Variants in BAX observed in about 807,000 individuals in gnomAD.
BAX encodes BCL2 associated X, apoptosis regulator, also known as apoptosis regulator BAX.
BAX carries 21 observed loss-of-function variants against 26.8 expected under a neutral mutation model. The observed-to-expected ratio is 0.78, with a 90% confidence interval of 0.56 to 1.13. The LOEUF (loss-of-function observed/expected upper bound fraction) is 1.13, where lower values mean the gene tolerates loss of function less well. Ranked by LOEUF, BAX falls within the 50% of genes most tolerant of loss-of-function variation. The pLI is 0.00. For missense variants in BAX, 236 were observed against 254.6 expected, an observed-to-expected ratio of 0.93 and a Z score of 0.50; for synonymous variants, 110 against 101.8, an observed-to-expected ratio of 1.08 and a Z score of -0.49.
At position 48,956,221 on chromosome 19, in the gene BAX, A is replaced by ACC; in HGVS notation, c.258_259insCC (p.Ser87ProfsTer47). 2 of 1,544,112 alleles carry ACC rather than the reference A, an allele frequency of 1.3e-6. No homozygotes were observed. The highest frequency in any genetic ancestry group is 1.7e-6 in the Non-Finnish European group (2 of 1,144,706). On this transcript the variant is annotated frameshift_variant, in exon 4 of 6. Coordinates refer to ENST00000345358, the MANE Select transcript of BAX (RefSeq NM_138761.4). LOFTEE classifies it high-confidence loss of function. The stretch of plus-strand genomic sequence containing the variant: ...AGGATGATTGCCGCCGTGGACACAG[A>ACC]CTCCCCCCGAGAGGTCTTTTTCCGA...
intron 2 of BAX, 28 bp from the exon 3 acceptor site, chr19:48,955,659 C>T (rs372907590): frequency 1.5e-4 from 248 of 1,611,992 alleles, no homozygotes; most frequent in East Asian, 3.3e-4. Flanking sequence ...CGTTCTGATT[C>T]TGCACCCTCA....
rs1159489795 is a variant in BAX at position 48,961,644 on chromosome 19, A to G, written c.*8A>G. ...TGGAAGAAGATGGGCTGAGGCCCCC[A>G]GCTGCCTTGGACTGTGTTTTTCCTC... On this transcript the variant is annotated 3_prime_UTR_variant, in exon 6 of 6. Transcript: ENST00000345358. 1 of 1,577,742 alleles carries G rather than the reference A, an allele frequency of 6.3e-7. No homozygotes were observed. The highest frequency in any genetic ancestry group is 1.1e-5 in the South Asian group (1 of 87,438).
intron 4 of BAX, among the ~76,000 whole-genome samples, chr19:48,959,775 G>C (rs943872256): frequency 6.7e-6 from 1 of 149,570 alleles, no homozygotes; most frequent in South Asian, 2.1e-4. Context: ...GCAATGAGCC[G>C]AGACTGCACT....
intron 3 of BAX, 168 bp from the exon 4 acceptor site, chr19:48,956,030 C>T (rs933111904): frequency 4.6e-5 from 53 of 1,164,156 alleles, no homozygotes; most frequent in Non-Finnish European, 5.6e-5. Flanking sequence ...TCCCACCTTC[C>T]TAAATGTCTG....
intron 3 of BAX, 138 bp from the exon 4 acceptor site, chr19:48,956,060 C>G (rs1322666548): frequency 8.1e-7 from 1 of 1,232,126 alleles, no homozygotes; most frequent in Non-Finnish European, 1.1e-6. Flanking sequence ...CTTCCCTTGT[C>G]CCCCGTTGGC....
Position 48,955,767 on chromosome 19 carries a change from C to T in BAX, c.167C>T (p.Thr56Ile). The T allele has an allele frequency of 6.2e-7, 1 of 1,613,552 alleles. No individual in the cohort carries two copies. Among genetic ancestry groups the T allele is most frequent in the African/African-American group, 1.3e-5 (1 of 74,970 alleles). ...ALDPVPQDAS[T>I]KKLSECLKRI... ...GACCCGGTGCCTCAGGATGCGTCCA[C>T]CAAGAAGCTGAGCGAGTGTCTCAAG... Residue 56 changes from threonine to isoleucine, a missense_variant, in exon 3 of 6, where the codon ACC becomes ATC. Thr to Ile is a moderately conservative substitution (Grantham distance 89). Transcript: ENST00000345358.
chr19:48,960,829 C>T lies in BAX; in HGVS notation c.389C>T (p.Pro130Leu), dbSNP rs369660551. ...CCACAGGCCCTGTGCACCAAGGTGC[C>T]GGAACTGATCAGAACCATCATGGGC... Reference protein sequence around the residue: ...LVLKALCTKVPELIRTIMGWT... With the variant: ...LVLKALCTKVLELIRTIMGWT... The change falls in exon 5 of 6, where the codon CCG becomes CTG. Residue 130 changes from proline (P) to leucine (L), a missense_variant. Physicochemically the swap from Pro to Leu is moderately conservative, Grantham distance 98 (BLOSUM62 -3). Coordinates refer to ENST00000345358, the MANE Select transcript of BAX (RefSeq NM_138761.4). The T allele has an allele frequency of 7.4e-6, 12 of 1,613,298 alleles. No homozygotes were observed. The highest frequency in any genetic ancestry group is 4.5e-5 in the East Asian group (2 of 44,880).
At chr19:48,959,590 G>A (rs1285143728) in intron 4 of BAX, among the ~76,000 whole-genome samples, 5 of 150,362 alleles carry the variant, frequency 3.3e-5, no homozygotes, top group African/African-American at 7.3e-5. Flanking sequence ...TGAGGCATGC[G>A]GATCACCTAA....
At chr19:48,960,341 C>T in intron 4 of BAX, 1 of 361,840 alleles carries the variant, frequency 2.8e-6, no homozygotes, top group Non-Finnish European at 5.5e-6. Context: ...TTACAGGTGC[C>T]TGCCACCACA....
At chr19:48,955,107 C>A (rs2122328749) in intron 1 of BAX, 145 bp downstream of exon 1, 2 of 1,010,640 alleles carry the variant, frequency 2.0e-6, no homozygotes, top group Admixed American at 8.6e-5. Context: ...CTCCAGTCCC[C>A]TCCGTCCTCG....
At chr19:48,956,652 ATT>A (rs746344180) in intron 4 of BAX, among the ~76,000 whole-genome samples, 2,187 of 118,090 alleles carry the variant, frequency 0.019, 55 homozygotes, top group African/African-American at 0.065. Context: ...AAAGATTTCT[ATT>A]TTTTTTTTTT....
intron 4 of BAX, chr19:48,960,283 T>C (rs763318539): frequency 9.2e-6 from 4 of 436,466 alleles, no homozygotes; most frequent in South Asian, 6.4e-5. Context: ...AACCTCTGCC[T>C]CCTGGGTTCA....
chr19:48,959,724 G>A (rs1308501064), intron 4 of BAX, among the ~76,000 whole-genome samples: 3 of 150,930 alleles, frequency 2.0e-5, no homozygotes, highest in African/African-American at 7.3e-5. Flanking sequence ...TGCTTAGGAG[G>A]CTCAGGCAGG....
At chr19:48,955,292 C>A in intron 1 of BAX, 1 of 428,214 alleles carries the variant, frequency 2.3e-6, no homozygotes. Context: ...TCTGCCCCCT[C>A]AGGCCAGGGG....
At chr19:48,961,190 G>A in intron 5 of BAX, 1 of 1,496,016 alleles carries the variant, frequency 6.7e-7, no homozygotes, top group Non-Finnish European at 8.9e-7. Flanking sequence ...CCTCCCTGGA[G>A]CCTCCACTGC....
rs141256444 is a variant in BAX at position 48,958,498 on chromosome 19, C to G, written c.369+2165C>G. ...TCCTGAGAAGCTGGGATTACAGGCT[C>G]TCCCCACCACACCAGCAAATGGGAG... On this transcript the variant is annotated intron_variant, in intron 4 of 5. Transcript: ENST00000345358. Among the ~76,000 whole-genome samples the G allele has an allele frequency of 6.6e-3, 988 of 150,308 alleles. 14 individuals are homozygous for G. Among genetic ancestry groups the G allele is most frequent in the African/African-American group, 0.023 (937 of 40,858 alleles).
At chr19:48,960,703 A>G in intron 4 of BAX, 107 bp from the exon 5 acceptor site, 1 of 1,012,460 alleles carries the variant, frequency 9.9e-7, no homozygotes, top group Non-Finnish European at 1.5e-6. Flanking sequence ...TGTGGGTGGC[A>G]GAAATCTTTG....
At chr19:48,955,457 T>C (rs1216023571) in intron 1 of BAX, 91 bp from the exon 2 acceptor site, 31 of 1,440,378 alleles carry the variant, frequency 2.2e-5, no homozygotes, top group Non-Finnish European at 2.8e-5. Context: ...TCCCCAGCTC[T>C]GTCCTCCCTC....
rs4645882 is a variant in BAX at position 48,955,023 on chromosome 19, C to G, written c.34+61C>G. 1.0e-3 allele frequency: 1,288 copies of G among 1,241,052 alleles called. 10 individuals carry two copies. The African/African-American group carries it at 0.018, about 17-fold the overall frequency. 76.9% of individuals were successfully genotyped at this position (1,241,052 alleles called of 1,614,324 possible). A position where few individuals can be genotyped will look rare whatever the true frequency, so the allele number is the denominator to read the frequency against. ...GCCCCCTCGCCGGCCCGTCCGGGATCCTTCCTACCGGCCTGGGGCTGTGCG... is the reference window on the plus strand; with the variant it reads ...GCCCCCTCGCCGGCCCGTCCGGGATGCTTCCTACCGGCCTGGGGCTGTGCG... On this transcript the variant is annotated intron_variant, in intron 1 of 5. Transcript: ENST00000345358.
Sources: gnomAD v4.1 joint callset for allele counts (sites outside exome capture counted in the v4.1 genomes callset) on GRCh38, gnomAD v4.1.1 for gene constraint, MANE v1.5 for transcripts, NCBI Gene and HGNC (gene_info 2026-07-23, HGNC 2026-07-21) for gene names.